TPTE2: variants seen among roughly 807,000 people sequenced by gnomAD.
The protein encoded by TPTE2 is transmembrane phosphoinositide 3-phosphatase and tensin homolog 2.
A neutral mutation model predicts 78.6 loss-of-function variants in TPTE2; 53 were observed. The ratio of observed to expected loss-of-function variants is 0.67; its 90% CI spans 0.54 to 0.85. TPTE2 has a LOEUF of 0.85. Ranked by LOEUF, TPTE2 falls within the 40% of genes least tolerant of loss-of-function variation. The pLI is 0.00. For synonymous variants in TPTE2, 175 were observed against 206.2 expected (o/e 0.85, Z 1.30); for missense variants, 461 against 623.0 (o/e 0.74, Z 2.77).
At chr13:19,455,572 A>G (rs192487982) in intron 10 of TPTE2, among the ~76,000 whole-genome samples, 1 of 11,436 alleles carries the variant, frequency 8.7e-5, no homozygotes, top group East Asian at 7.4e-3. Context: ...GGAGTTACCC[A>G]AGACACCTAA....
chr13:19,498,674 G>T (rs1214989665), intron 1 of TPTE2, among the ~76,000 whole-genome samples: 1 of 151,792 alleles, frequency 6.6e-6, no homozygotes, highest in South Asian at 2.1e-4. Flanking sequence ...GGAACAACCG[G>T]TACCAGCCAC....
intron 10 of TPTE2, among the ~76,000 whole-genome samples, chr13:19,462,809 T>G (rs577972183): frequency 4.0e-5 from 6 of 151,852 alleles, no homozygotes; most frequent in African/African-American, 1.4e-4. Flanking sequence ...CCTCCCAAAG[T>G]GCTGGGATTA....
chr13:19,531,611 T>C (rs1476486115), intron 1 of TPTE2, among the ~76,000 whole-genome samples: 2 of 142,452 alleles, frequency 1.4e-5, no homozygotes, highest in African/African-American at 4.9e-5. Context: ...AATAATAACA[T>C]AACAATTAGG....
chr13:19,519,402 C>T (rs1279576681), intron 1 of TPTE2, among the ~76,000 whole-genome samples: 2 of 152,080 alleles, frequency 1.3e-5, no homozygotes, highest in Non-Finnish European at 2.9e-5. Context: ...TGTCTAAGAG[C>T]ATAGTTTTGG....
chr13:19,511,355 A>G (rs1869427275), intron 1 of TPTE2, among the ~76,000 whole-genome samples: 1 of 150,634 alleles, frequency 6.6e-6, no homozygotes, highest in South Asian at 2.1e-4. Context: ...ATTTAAGTAA[A>G]TTTAAAAACA....
At chr13:19,435,134 G>A (rs979418417) in intron 15 of TPTE2, among the ~76,000 whole-genome samples, 1 of 152,172 alleles carries the variant, frequency 6.6e-6, no homozygotes, top group Non-Finnish European at 1.5e-5. Flanking sequence ...ATTCTTAAAA[G>A]AGACTTAGGA....
upstream of TPTE2, among the ~76,000 whole-genome samples, chr13:19,536,960 ATATAT>A (rs1289640585): frequency 2.5e-4 from 38 of 150,912 alleles, no homozygotes; most frequent in Admixed American, 2.4e-3. Flanking sequence ...TATATAGAAC[ATATAT>A]TATAAATATA....
the TPTE2 span, among the ~76,000 whole-genome samples, chr13:19,541,915 T>G: frequency 6.6e-6 from 1 of 152,216 alleles, no homozygotes; most frequent in African/African-American, 2.4e-5. Context: ...ATTTTTTTCC[T>G]GAATGTTCAG....
At chr13:19,467,381 C>A in intron 6 of TPTE2, 37 bp from the exon 10 acceptor site, 1 of 1,420,026 alleles carries the variant, frequency 7.0e-7, no homozygotes, top group Non-Finnish European at 9.3e-7. Context: ...AGTTCATTTC[C>A]CTCTGCAAGA....
chr13:19,423,374 C>T (rs1226268505), intron 19 of TPTE2, among the ~76,000 whole-genome samples: 5 of 152,176 alleles, frequency 3.3e-5, no homozygotes, highest in Non-Finnish European at 5.9e-5. Flanking sequence ...GTAACACATG[C>T]TGACTCTCTT....
chr13:19,556,998 C>T, the TPTE2 span, among the ~76,000 whole-genome samples: 1,025 of 152,238 alleles, frequency 6.7e-3, 9 homozygotes, highest in African/African-American at 0.022. Flanking sequence ...ACTACAAGTC[C>T]GTTAAATATA....
the TPTE2 span, among the ~76,000 whole-genome samples, chr13:19,547,308 C>G: frequency 6.6e-6 from 1 of 152,062 alleles, no homozygotes; most frequent in Non-Finnish European, 1.5e-5. Context: ...AATGTAAAAA[C>G]TTAGCCAGGC....
intron 15 of TPTE2, among the ~76,000 whole-genome samples, chr13:19,433,037 G>A (rs1191543512): frequency 6.6e-6 from 1 of 152,166 alleles, no homozygotes; most frequent in Non-Finnish European, 1.5e-5. Context: ...CTCTTCTCTT[G>A]TTCCTGACAG....
chr13:19,489,816 A>G (rs1880899690), intron 3 of TPTE2, among the ~76,000 whole-genome samples: 1 of 151,782 alleles, frequency 6.6e-6, no homozygotes, highest in Admixed American at 6.6e-5. Context: ...TAACATCAGT[A>G]GTTTTCAGTG....
upstream of TPTE2, chr13:19,503,367 A>C: frequency 2.9e-6 from 4 of 1,367,246 alleles, no homozygotes; most frequent in Non-Finnish European, 4.1e-6. Flanking sequence ...CTCTGCACAT[A>C]AACCAGTTAA....
exon 16 of TPTE2, chr13:19,432,501 T>C (rs758111610): frequency 6.2e-7 from 1 of 1,606,210 alleles, no homozygotes; most frequent in East Asian, 2.2e-5. Context: ...TGAATCTTTT[T>C]ATAAAGAGTA....
rs71092373 is a variant in TPTE2, at chr13:19,535,224, AAT to A, written c.-44+1370_-44+1371del. 0.77 allele frequency among the ~76,000 whole-genome samples: 102,786 copies of A among 133,976 alleles called. 36,506 individuals are homozygous for A. Among genetic ancestry groups the A allele is most frequent in the Non-Finnish European group, 0.82 (52,999 of 64,360 alleles). The allele number at this position is 133,976 out of a possible 152,430, so 87.9% of individuals were successfully genotyped here. ...TCTCAAAAAAACAAACAAACAAAAA[AAT>A]ATATATATATATATATTCTTTAGAT... On this transcript the variant is annotated intron_variant, in intron 1 of 17. Transcript: ENST00000390680. The surrounding 1 kb of genome is among the most constrained non-coding windows in gnomAD (Gnocchi z 5.1).
chr13:19,509,477 C>T (rs887864750), intron 1 of TPTE2, among the ~76,000 whole-genome samples: 4 of 151,994 alleles, frequency 2.6e-5, no homozygotes, highest in African/African-American at 7.2e-5. Context: ...TGAGATTATT[C>T]AATTATATGT....
At chr13:19,463,734 A>G (rs1286157735) in intron 10 of TPTE2, among the ~76,000 whole-genome samples, 1 of 151,682 alleles carries the variant, frequency 6.6e-6, no homozygotes, top group Admixed American at 6.6e-5. Flanking sequence ...TCTTCAGGTG[A>G]CTTTTTTGGC....
Sources: gnomAD v4.1 joint callset for allele counts (sites outside exome capture counted in the v4.1 genomes callset) on GRCh38, gnomAD v4.1.1 for gene constraint, Gnocchi (gnomAD v3.1) non-coding constraint, MANE v1.5 for transcripts, NCBI Gene and HGNC (gene_info 2026-07-23, HGNC 2026-07-21) for gene names.